Variants in HIP1 observed in about 807,000 individuals in gnomAD.
HIP1 encodes the protein huntingtin-interacting protein 1.
A neutral mutation model predicts 147.6 loss-of-function variants in HIP1; 65 were observed. The ratio of observed to expected loss-of-function variants is 0.44; its 90% CI spans 0.36 to 0.54. The LOEUF (loss-of-function observed/expected upper bound fraction) is 0.54. HIP1 is among the 20% of genes least tolerant of loss of function. The pLI, the probability that HIP1 is intolerant of heterozygous loss-of-function variation, is 0.00. For synonymous variants in HIP1, 479 were observed against 504.0 expected (o/e 0.95, Z 0.67); for missense variants, 1,061 against 1,299.6 (o/e 0.82, Z 2.82).
chr7:75,698,613 T>C (rs954684643), intron 1 of HIP1, among the ~76,000 whole-genome samples: 3 of 151,548 alleles, frequency 2.0e-5, no homozygotes, highest in Non-Finnish European at 4.4e-5. Context: ...AGGCCAAGAG[T>C]TGGAGGCCAG....
intron 1 of HIP1, among the ~76,000 whole-genome samples, chr7:75,694,245 T>G (rs1800557022): frequency 6.6e-6 from 1 of 151,982 alleles, no homozygotes; most frequent in Non-Finnish European, 1.5e-5. Context: ...ACTAGATGCC[T>G]GTTTTTCCTC....
intron 7 of HIP1, among the ~76,000 whole-genome samples, chr7:75,578,551 G>A (rs1795924137): frequency 6.6e-6 from 1 of 152,082 alleles, no homozygotes; most frequent in Non-Finnish European, 1.5e-5. Context: ...GGTGGTGCGT[G>A]CCCGTAGTCC....
At chr7:75,549,079 G>T in intron 22 of HIP1, 78 bp from the exon 23 acceptor site, 1 of 1,088,628 alleles carries the variant, frequency 9.2e-7, no homozygotes, top group Non-Finnish European at 1.4e-6. Flanking sequence ...ACCCTTACAA[G>T]ATGGCAAGGC....
At chr7:75,633,777 G>A (rs1798323657) in intron 1 of HIP1, among the ~76,000 whole-genome samples, 1 of 152,114 alleles carries the variant, frequency 6.6e-6, no homozygotes, top group African/African-American at 2.4e-5. Context: ...AAATACATGT[G>A]ATACCAGCAG....
In HIP1 at chr7:75,592,520, G is replaced by C. The variant is rs781894663; in HGVS notation, c.185-6C>G. 43 of 1,607,512 alleles carry C rather than the reference G, an allele frequency of 2.7e-5. No homozygotes were observed. In the Admixed American group the frequency reaches 7.4e-4, roughly 28 times the overall value. ...GTGGGTGCCCAGTATGCACGGTGAGGGGGGGTTATGGAAAACAACGGATGG... is the reference window on the plus strand; with the variant it reads ...GTGGGTGCCCAGTATGCACGGTGAGCGGGGGTTATGGAAAACAACGGATGG... On this transcript the variant is annotated splice_polypyrimidine_tract_variant and splice_region_variant and intron_variant, in intron 2 of 30. Coordinates refer to ENST00000336926, the MANE Select transcript of HIP1 (RefSeq NM_005338.7).
chr7:75,556,261 G>T, intron 17 of HIP1, 92 bp from the exon 18 acceptor site: 2 of 1,450,136 alleles, frequency 1.4e-6, no homozygotes, highest in South Asian at 2.6e-5. Flanking sequence ...GGGTTGCAAG[G>T]ACTGGGAAGG....
In HIP1 at chr7:75,582,143, C is replaced by T. The variant is rs587712391; in HGVS notation, c.474G>A (p.Arg158=). 1.4e-5 allele frequency: 23 copies of T among 1,613,880 alleles called. No homozygotes were observed. In the East Asian group the frequency reaches 3.3e-4, roughly 23 times the overall value. ...TKMEYHTKNP[R]FPGNLQMSDR... is the part of the protein sequence containing the mutation. ...CACTCATCTGCAGGTTGCCTGGGAA[C>T]CTGGGATTCTGGAAGGGAGGCAGAG... Residue 158 remains arginine, a synonymous_variant, in exon 6 of 31, where the codon AGG becomes AGA. Transcript: ENST00000336926.
At chr7:75,560,198 G>A (rs1795174984) in intron 13 of HIP1, among the ~76,000 whole-genome samples, 2 of 152,060 alleles carry the variant, frequency 1.3e-5, no homozygotes, top group African/African-American at 4.8e-5. Flanking sequence ...GTGAGGGGCG[G>A]TTGTTAATAT....
At chr7:75,553,404 G>T in intron 22 of HIP1, 49 bp downstream of exon 22, 2 of 1,593,646 alleles carry the variant, frequency 1.3e-6, no homozygotes, top group Admixed American at 1.7e-5. Context: ...TCACCAGCAC[G>T]CACACCCAGA....
intron 1 of HIP1, among the ~76,000 whole-genome samples, chr7:75,720,155 T>TGTTG (rs1801455509): frequency 1.3e-5 from 2 of 149,800 alleles, no homozygotes; most frequent in African/African-American, 2.5e-5. Context: ...GTTTTGTTTT[T>TGTTG]GTTTGTTTGT....
chr7:75,630,246 C>G (rs942037703), intron 1 of HIP1, among the ~76,000 whole-genome samples: 13 of 151,848 alleles, frequency 8.6e-5, no homozygotes, highest in Non-Finnish European at 1.6e-4. Context: ...ATCTCTTGAG[C>G]TCAGGGATTC....
intron 1 of HIP1, among the ~76,000 whole-genome samples, chr7:75,719,279 C>T (rs13227063): frequency 1.9e-4 from 29 of 152,052 alleles, no homozygotes; most frequent in Non-Finnish European, 3.5e-4. Flanking sequence ...CCAAGGCGGG[C>T]GGATCATGAG....
intron 1 of HIP1, among the ~76,000 whole-genome samples, chr7:75,647,910 T>C (rs1490726406): frequency 6.6e-6 from 1 of 152,114 alleles, no homozygotes; most frequent in Admixed American, 6.5e-5. Flanking sequence ...ACCAGGTGAG[T>C]TCTATGCTGG....
intron 1 of HIP1, among the ~76,000 whole-genome samples, chr7:75,646,230 C>T (rs1359681104): frequency 1.3e-5 from 2 of 152,272 alleles, no homozygotes; most frequent in African/African-American, 4.8e-5. Context: ...CAGGCACCCG[C>T]CACCACGCCC....
At chr7:75,626,273 G>T (rs1798036363) in intron 1 of HIP1, 1 of 152,124 alleles carries the variant, frequency 6.6e-6, no homozygotes, top group African/African-American at 2.4e-5. Context: ...TTAGCAAAAA[G>T]AATTCTTGAA....
intron 1 of HIP1, among the ~76,000 whole-genome samples, chr7:75,621,672 T>G (rs587745229): frequency 3.5e-4 from 54 of 152,314 alleles, no homozygotes; most frequent in African/African-American, 1.3e-3. Flanking sequence ...CAGTGAAGAC[T>G]CTGCTGCCTT....
chr7:75,682,916 C>G (rs1202070156), intron 1 of HIP1, among the ~76,000 whole-genome samples: 1 of 152,024 alleles, frequency 6.6e-6, no homozygotes, highest in African/African-American at 2.4e-5. Flanking sequence ...ATGGGGCGTG[C>G]TATCTAAGGA....
chr7:75,542,932 G>C lies in HIP1; in HGVS notation c.2809C>G (p.Gln937Glu). 6.2e-7 allele frequency: 1 copy of C among 1,614,062 alleles called. No homozygotes were observed. The change falls in exon 28 of 31, where the codon CAG becomes GAG. Residue 937 changes from glutamine (Q) to glutamate (E), a missense_variant. Around this residue, in one of 3 missense-constraint regions of HIP1, gnomAD observed 810 missense variants for 946.8 expected, o/e 0.86. Coordinates refer to ENST00000336926, the MANE Select transcript of HIP1 (RefSeq NM_005338.7). ...KDSPNLAQLQ[Q>E]ASRGVNQATA... ...GCCTGGTTCACTCCCCGAGAGGCCT[G>C]CTGCAGCTGGGCTAGGTTGGGGCTG...
chr7:75,666,382 C>G (rs1799560875), intron 1 of HIP1, among the ~76,000 whole-genome samples: 1 of 152,088 alleles, frequency 6.6e-6, no homozygotes, highest in African/African-American at 2.4e-5. Context: ...GTTGGCCAGG[C>G]TGGTCTCAAA....
Sources: allele counts gnomAD v4.1 joint callset (sites outside exome capture counted in the v4.1 genomes callset), GRCh38; gene constraint gnomAD v4.1.1; regional missense constraint gnomAD v4.1.1; transcripts MANE v1.5; gene names NCBI Gene and HGNC (gene_info 2026-07-23, HGNC 2026-07-21).